Variants in PPFIBP1 observed in about 807,000 individuals in gnomAD.
PPFIBP1 encodes the protein liprin-beta-1.
In PPFIBP1, 112 loss-of-function variants were observed where a neutral mutation model predicts 137.8. That is an observed-to-expected ratio of 0.81 (90% CI 0.70 to 0.95). PPFIBP1 has a LOEUF of 0.95. PPFIBP1 is among the 40% of genes least tolerant of loss of function. PPFIBP1 has a pLI of 0.00. For synonymous variants in PPFIBP1, 378 were observed against 417.3 expected (o/e 0.91, Z 1.15); for missense variants, 1,083 against 1,196.6 (o/e 0.91, Z 1.40).
chr12:27,546,560 T>A (rs1946259234), intron 1 of PPFIBP1, among the ~76,000 whole-genome samples: 1 of 152,044 alleles, frequency 6.6e-6, no homozygotes, highest in South Asian at 2.1e-4. Context: ...TCCCTTGAAG[T>A]TTTTTGGAAG....
intron 15 of PPFIBP1, among the ~76,000 whole-genome samples, chr12:27,673,175 C>G (rs139674228): frequency 1.3e-5 from 2 of 152,254 alleles, no homozygotes; most frequent in Admixed American, 6.5e-5. Context: ...AACACCAGCT[C>G]TATATAATTG....
At chr12:27,600,875 C>T (rs1044575604) in intron 2 of PPFIBP1, among the ~76,000 whole-genome samples, 4 of 151,980 alleles carry the variant, frequency 2.6e-5, no homozygotes, top group African/African-American at 4.8e-5. Context: ...TTATGGGGTA[C>T]GATGTCATAT....
intron 1 of PPFIBP1, among the ~76,000 whole-genome samples, chr12:27,567,079 A>C (rs1204726952): frequency 1.3e-5 from 2 of 152,192 alleles, no homozygotes; most frequent in Non-Finnish European, 2.9e-5. Flanking sequence ...AATCTATATC[A>C]ATAAAGGGCA....
At position 27,539,316 on chromosome 12, in the gene PPFIBP1, T is replaced by G. The variant is rs562208016; in HGVS notation, c.-124+14951T>G. Among the ~76,000 whole-genome samples, 32 of 152,324 alleles carry G rather than the reference T, an allele frequency of 2.1e-4. 1 individual carries two copies. The South Asian group carries it at 5.8e-3, about 28-fold the overall frequency. On this transcript the variant is annotated intron_variant, in intron 1 of 29. Transcript: ENST00000228425. ...TGGTGACAGACTCACTGGAGATTGT[T>G]TATGTTACACTGTGTACTACCATGA...
Position 27,676,522 on chromosome 12 carries a change from G to A in PPFIBP1, c.1505G>A (p.Arg502Gln), listed in dbSNP as rs376929898. 20 of 1,609,874 alleles carry A rather than the reference G, an allele frequency of 1.2e-5. No homozygotes were observed. The African/African-American group carries it at 1.3e-4, about 11-fold the overall frequency. Residue 502 changes from arginine to glutamine, a missense_variant, in exon 18 of 30, where the codon CGA (arginine) becomes CAA (glutamine). Coordinates refer to ENST00000228425, the MANE Select transcript of PPFIBP1 (RefSeq NM_003622.4). ...ATGGATGACAACCCCTTCGGCACTC[G>A]AAAAGTCAGATCTTCCTTTGGCCGG... ...TSMDDNPFGTRKVRSSFGRGF... is the reference protein window; with the variant it reads ...TSMDDNPFGTQKVRSSFGRGF...
Position 27,689,065 on chromosome 12 carries a change from C to T in PPFIBP1, c.2547C>T (p.Ile849=), listed in dbSNP as rs1481627328. The T allele has an allele frequency of 1.2e-6, 2 of 1,613,606 alleles. No individual in the cohort carries two copies. Among genetic ancestry groups the T allele is most frequent in the South Asian group, 2.2e-5 (2 of 91,050 alleles). The change falls in exon 27 of 30, where the codon ATC becomes ATT. Residue 849 remains isoleucine (I), a synonymous_variant. Coordinates refer to ENST00000228425, the MANE Select transcript of PPFIBP1 (RefSeq NM_003622.4). ...AAACAATGGCTCAGTTATTGAACAT[C>T]CCACCCAATAAGACTTTGCTGCGAA... ...NVETMAQLLN[I]PPNKTLLRRH...
intron 24 of PPFIBP1, among the ~76,000 whole-genome samples, chr12:27,684,668 G>A (rs141932756): frequency 3.3e-5 from 5 of 152,138 alleles, no homozygotes; most frequent in Non-Finnish European, 5.9e-5. Flanking sequence ...TTTGCTATGT[G>A]TCAAACATCC....
chr12:27,618,461 T>C (rs2056004856), intron 2 of PPFIBP1, among the ~76,000 whole-genome samples: 6 of 152,246 alleles, frequency 3.9e-5, no homozygotes, highest in Admixed American at 2.6e-4. Context: ...ATCTGCATGA[T>C]AAAACCTTGG....
intron 6 of PPFIBP1, among the ~76,000 whole-genome samples, chr12:27,648,654 A>T (rs1181669346): frequency 1.3e-5 from 2 of 152,222 alleles, no homozygotes; most frequent in African/African-American, 4.8e-5. Flanking sequence ...TACACAATGG[A>T]GTACTATTCA....
chr12:27,550,572 T>C (rs1168115487), intron 1 of PPFIBP1, among the ~76,000 whole-genome samples: 1 of 152,112 alleles, frequency 6.6e-6, no homozygotes, highest in Non-Finnish European at 1.5e-5. Context: ...CAGAGAGAGG[T>C]AGGTAATATT....
At chr12:27,628,752 T>TAAC (rs1049165626) in intron 2 of PPFIBP1, among the ~76,000 whole-genome samples, 1 of 152,218 alleles carries the variant, frequency 6.6e-6, no homozygotes, top group Non-Finnish European at 1.5e-5. Flanking sequence ...TTCTAATTTC[T>TAAC]AACAACCAAC....
At chr12:27,629,185 A>T (rs1446421302) in intron 2 of PPFIBP1, among the ~76,000 whole-genome samples, 1 of 152,246 alleles carries the variant, frequency 6.6e-6, no homozygotes, top group African/African-American at 2.4e-5. Flanking sequence ...TCCCAATTAA[A>T]TTAGTTCTAA....
intron 8 of PPFIBP1, chr12:27,655,136 C>G (rs1225342616): frequency 6.6e-7 from 1 of 1,516,716 alleles, no homozygotes; most frequent in Admixed American, 2.0e-5. Flanking sequence ...CTCTGTCTCT[C>G]TACCAGTCTT....
chr12:27,691,945 A>G lies in PPFIBP1; in HGVS notation c.2865+17A>G, dbSNP rs1253316637. The G allele has an allele frequency of 9.6e-6, 15 of 1,566,740 alleles. No homozygotes were observed. The highest frequency in any genetic ancestry group is 2.4e-5 in the South Asian group (2 of 83,192). On this transcript the variant is annotated intron_variant, in intron 28 of 29. Coordinates refer to ENST00000228425, the MANE Select transcript of PPFIBP1 (RefSeq NM_003622.4). The stretch of plus-strand genomic sequence containing the variant: ...TTAGAGCAGGTAAATCCAACACTGT[A>G]TAACTTTTTGCGAGTTCTTCCATCA...
At chr12:27,599,085 C>T (rs2053664516) in intron 2 of PPFIBP1, among the ~76,000 whole-genome samples, 1 of 152,194 alleles carries the variant, frequency 6.6e-6, no homozygotes, top group East Asian at 1.9e-4. Flanking sequence ...TAGGAAGTTT[C>T]TAATTTGGAA....
At chr12:27,623,139 G>A (rs1473583929) in intron 2 of PPFIBP1, among the ~76,000 whole-genome samples, 1 of 152,126 alleles carries the variant, frequency 6.6e-6, no homozygotes, top group East Asian at 1.9e-4. Flanking sequence ...AGAGATAGAT[G>A]AGTCTCCAGG....
intron 7 of PPFIBP1, among the ~76,000 whole-genome samples, chr12:27,652,608 A>T (rs535974662): frequency 6.6e-6 from 1 of 152,186 alleles, no homozygotes; most frequent in East Asian, 1.9e-4. Context: ...TATTTAAAGT[A>T]TTGCCATGAA....
At position 27,656,607 on chromosome 12, in the gene PPFIBP1, A is replaced by G. The variant is rs372384700; in HGVS notation, c.697-9A>G. On this transcript the variant is annotated splice_polypyrimidine_tract_variant and intron_variant, in intron 8 of 29. Transcript: ENST00000228425. The stretch of plus-strand genomic sequence containing the variant: ...ATCTGCTATTTTTAAATGAATTTGT[A>G]ACTTGTAGGATGAACTGGCATCTTT... 1.1e-4 allele frequency: 163 copies of G among 1,522,902 alleles called. No homozygotes were observed. The highest frequency in any genetic ancestry group is 2.0e-4 in the Admixed American group (12 of 59,736). The allele number at this position is 1,522,902 out of a possible 1,614,324, so 94.3% of individuals were successfully genotyped here. A position where few individuals can be genotyped will look rare whatever the true frequency, so the allele number is the denominator to read the frequency against.
At position 27,688,337 on chromosome 12, in the gene PPFIBP1, C is replaced by T. The variant is rs1422370013; in HGVS notation, c.2410C>T (p.His804Tyr). The change falls in exon 26 of 30, where the codon CAT becomes TAT. Residue 804 changes from histidine to tyrosine, a missense_variant. His to Tyr is a moderately conservative substitution (Grantham distance 83). Transcript: ENST00000228425. ...APSEVQKWTN[H>Y]RVMEWLRSVD... Reference sequence around the variant, plus strand: ...ATCAGAAGTTCAGAAGTGGACTAACCATCGAGTGATGGAGTGGCTGCGCTC... The same window carrying T: ...ATCAGAAGTTCAGAAGTGGACTAACTATCGAGTGATGGAGTGGCTGCGCTC... 6.2e-7 allele frequency: 1 copy of T among 1,614,076 alleles called. No individual in the cohort carries two copies. The highest frequency in any genetic ancestry group is 1.7e-5 in the Admixed American group (1 of 60,030).
Sources: allele counts gnomAD v4.1 joint callset (sites outside exome capture counted in the v4.1 genomes callset), GRCh38; gene constraint gnomAD v4.1.1; transcripts MANE v1.5; gene names NCBI Gene and HGNC (gene_info 2026-07-23, HGNC 2026-07-21).